Variants in LMBR1 observed in about 807,000 individuals in gnomAD.
The protein encoded by LMBR1 is limb development membrane protein 1, also known as limb region 1 protein homolog.
A neutral mutation model predicts 73.9 loss-of-function variants in LMBR1; 52 were observed. That is an observed-to-expected ratio of 0.70 (90% CI 0.56 to 0.89). The LOEUF is 0.89. Among genes scored for constraint, LMBR1 ranks in the 40% least tolerant of loss-of-function variants. The pLI is 0.00. For missense variants in LMBR1, 539 were observed against 579.8 expected (o/e 0.93, Z 0.72); for synonymous variants, 215 against 209.4 (o/e 1.03, Z -0.23).
intron 5 of LMBR1, among the ~76,000 whole-genome samples, chr7:156,795,982 A>G (rs1232822243): frequency 1.3e-5 from 2 of 152,208 alleles, no homozygotes; most frequent in Non-Finnish European, 2.9e-5. Flanking sequence ...TATATTTACT[A>G]AATGTGAAAT....
At chr7:156,673,919 A>AAG (rs1554451266), downstream of LMBR1, among the ~76,000 whole-genome samples, 54,812 of 150,012 alleles carry the variant, frequency 0.37, 10,917 homozygotes, top group African/African-American at 0.53. Context: ...AAAAAAAAAA[A>AAG]AAAGAAAAAG....
At chr7:156,744,762 T>C (rs1167587880) in intron 9 of LMBR1, among the ~76,000 whole-genome samples, 1 of 152,174 alleles carries the variant, frequency 6.6e-6, no homozygotes, top group Non-Finnish European at 1.5e-5. Context: ...AACATAAATT[T>C]ATTGTCTTAC....
At chr7:156,848,669 C>G (rs966373507) in intron 1 of LMBR1, among the ~76,000 whole-genome samples, 4 of 152,138 alleles carry the variant, frequency 2.6e-5, no homozygotes, top group African/African-American at 4.8e-5. Context: ...TGGTGACTCA[C>G]CCCTGTAATC....
intron 4 of LMBR1, chr7:156,823,390 A>G (rs1586039365): frequency 6.6e-6 from 1 of 152,304 alleles, no homozygotes; most frequent in East Asian, 1.9e-4. Flanking sequence ...CAGTTTAGCA[A>G]TTAATACTCA....
chr7:156,674,366 GGT>G (rs1469638720), downstream of LMBR1, among the ~76,000 whole-genome samples: 3 of 152,216 alleles, frequency 2.0e-5, no homozygotes, highest in Admixed American at 2.0e-4. Context: ...GTCATCTCTG[GGT>G]GAGCCACAGC....
chr7:156,724,876 T>C (rs57228334), intron 14 of LMBR1, among the ~76,000 whole-genome samples: 16,004 of 151,946 alleles, frequency 0.11, 939 homozygotes, highest in East Asian at 0.16. Flanking sequence ...TCAGCTCTTA[T>C]TAGTTATTCT....
At chr7:156,824,147 C>T (rs539769143) in intron 4 of LMBR1, among the ~76,000 whole-genome samples, 7 of 152,014 alleles carry the variant, frequency 4.6e-5, no homozygotes, top group African/African-American at 1.7e-4. Flanking sequence ...TACACACGCG[C>T]GCGCGCTGAA....
chr7:156,733,500 G>GA (rs1367999160), intron 10 of LMBR1, among the ~76,000 whole-genome samples: 1 of 150,290 alleles, frequency 6.7e-6, no homozygotes, highest in Non-Finnish European at 1.5e-5. Flanking sequence ...GCAGATGGTA[G>GA]AAAAACAAAA....
chr7:156,717,980 T>C (rs1252768473), intron 15 of LMBR1, among the ~76,000 whole-genome samples: 1 of 152,234 alleles, frequency 6.6e-6, no homozygotes, highest in Non-Finnish European at 1.5e-5. Flanking sequence ...TAATTTTTAG[T>C]ATTCTTTATC....
At chr7:156,798,747 C>T (rs1220379705) in intron 4 of LMBR1, among the ~76,000 whole-genome samples, 1 of 151,936 alleles carries the variant, frequency 6.6e-6, no homozygotes, top group Non-Finnish European at 1.5e-5. Context: ...TAATCTATTG[C>T]TTTATTTAGG....
intron 5 of LMBR1, among the ~76,000 whole-genome samples, chr7:156,791,013 G>A (rs537798951): frequency 6.6e-6 from 1 of 152,198 alleles, no homozygotes; most frequent in East Asian, 1.9e-4. Context: ...GTAAAAACTA[G>A]TGCTCTCAAT....
chr7:156,876,682 C>T (rs1337348239), intron 1 of LMBR1, among the ~76,000 whole-genome samples: 1 of 152,114 alleles, frequency 6.6e-6, no homozygotes, highest in Non-Finnish European at 1.5e-5. Flanking sequence ...CAAAACCAGA[C>T]AAATACATGG....
At chr7:156,785,025 AAAGT>A (rs1436462166) in intron 5 of LMBR1, among the ~76,000 whole-genome samples, 6 of 152,254 alleles carry the variant, frequency 3.9e-5, no homozygotes, top group Admixed American at 3.9e-4. Context: ...ATGAACTGTT[AAAGT>A]AAGAAGGACA....
intron 1 of LMBR1, among the ~76,000 whole-genome samples, chr7:156,854,587 T>C (rs965763394): frequency 5.9e-5 from 9 of 152,194 alleles, no homozygotes; most frequent in Non-Finnish European, 1.2e-4. Flanking sequence ...CTTAACCTAT[T>C]TGAATTTTAT....
chr7:156,767,237 T>C (rs1454358495), intron 5 of LMBR1, among the ~76,000 whole-genome samples: 1 of 152,070 alleles, frequency 6.6e-6, no homozygotes, highest in Non-Finnish European at 1.5e-5. Flanking sequence ...CTCTGCTGAG[T>C]ACAGGAGCCC....
intron 5 of LMBR1, among the ~76,000 whole-genome samples, chr7:156,766,284 A>G (rs925774734): frequency 2.0e-4 from 31 of 152,198 alleles, no homozygotes; most frequent in African/African-American, 7.0e-4. Context: ...CTGGTAGCAC[A>G]ATGTTCACCT....
intron 15 of LMBR1, among the ~76,000 whole-genome samples, chr7:156,695,527 C>G (rs957219151): frequency 6.6e-6 from 1 of 152,064 alleles, no homozygotes; most frequent in Non-Finnish European, 1.5e-5. Context: ...ATGGCCGGTG[C>G]AGGAGCAAAG....
intron 5 of LMBR1, among the ~76,000 whole-genome samples, chr7:156,766,578 A>T (rs1182386482): frequency 6.6e-6 from 1 of 152,136 alleles, no homozygotes; most frequent in Non-Finnish European, 1.5e-5. Context: ...GGCAACAAGG[A>T]TAGGGGACTA....
chr7:156,719,353 T>G (rs1402444940), intron 15 of LMBR1, among the ~76,000 whole-genome samples: 5 of 151,706 alleles, frequency 3.3e-5, no homozygotes, highest in Admixed American at 1.3e-4. Context: ...GGTGTATATG[T>G]GCCACATTTT....
Sources: allele counts gnomAD v4.1 joint callset (sites outside exome capture counted in the v4.1 genomes callset), GRCh38; gene constraint gnomAD v4.1.1; transcripts MANE v1.5; gene names NCBI Gene and HGNC (gene_info 2026-07-23, HGNC 2026-07-21).